The following MARCHF1 variants were observed in gnomAD, a reference collection of about 807,000 sequenced individuals.
MARCHF1 encodes the protein E3 ubiquitin-protein ligase MARCHF1.
A neutral mutation model predicts 54.2 loss-of-function variants in MARCHF1; 40 were observed. The observed-to-expected ratio is 0.74, with a 90% CI of 0.57 to 0.96. The LOEUF (loss-of-function observed/expected upper bound fraction) is 0.96. MARCHF1 is among the 40% of genes least tolerant of loss of function. The pLI is 0.00. For missense variants in MARCHF1, 586 were observed against 656.5 expected, an observed-to-expected ratio of 0.89 and a Z score of 1.17; for synonymous variants, 236 against 236.3, an observed-to-expected ratio of 1.00 and a Z score of 0.01.
intron 2 of MARCHF1, among the ~76,000 whole-genome samples, chr4:164,074,797 T>C (rs1754942142): frequency 6.6e-6 from 1 of 151,844 alleles, no homozygotes. Flanking sequence ...TTAGGTAAAA[T>C]TGAGGTTTTC....
chr4:163,600,566 T>C (rs1740930948), intron 7 of MARCHF1, among the ~76,000 whole-genome samples: 1 of 152,194 alleles, frequency 6.6e-6, no homozygotes, highest in Non-Finnish European at 1.5e-5. Context: ...TGACAGTCTA[T>C]ATGGCTTCTA....
At chr4:164,309,176 C>T (rs535739815) in intron 1 of MARCHF1, among the ~76,000 whole-genome samples, 2 of 150,844 alleles carry the variant, frequency 1.3e-5, no homozygotes, top group African/African-American at 2.4e-5. Flanking sequence ...TCTATTTTAC[C>T]ATTTGTGTAC....
chr4:164,073,322 A>G (rs1754908894), intron 2 of MARCHF1, among the ~76,000 whole-genome samples: 1 of 152,212 alleles, frequency 6.6e-6, no homozygotes, highest in Admixed American at 6.5e-5. Flanking sequence ...AGCCATAAAA[A>G]AGAATGATTT....
intron 1 of MARCHF1, among the ~76,000 whole-genome samples, chr4:164,382,816 G>C (rs1210784587): frequency 1.3e-5 from 2 of 152,206 alleles, no homozygotes; most frequent in East Asian, 3.9e-4. Context: ...CTAAACTAAG[G>C]TACCTGAGCA....
Position 164,247,948 on chromosome 4 carries a change from T to G in MARCHF1, c.-323+135922A>C, listed in dbSNP as rs916707701. ...CTTAAGAGCTTGGGAATGTGAGATG[T>G]TTTTACAGCCACATTGGAAAATACA... is the stretch of plus-strand genomic sequence containing the variant. On this transcript the variant is annotated intron_variant, in intron 1 of 9. Coordinates refer to ENST00000514618, the MANE Select transcript of MARCHF1 (RefSeq NM_001394959.1). 4.6e-5 allele frequency among the ~76,000 whole-genome samples: 7 copies of G among 151,392 alleles called. 1 individual carries two copies. The South Asian group carries it at 6.3e-4, about 14-fold the overall frequency.
rs201005309 is a variant in MARCHF1, at chr4:164,099,241, T to C, written c.-248+12347A>G. Among the ~76,000 whole-genome samples the C allele has an allele frequency of 3.9e-5, 6 of 152,314 alleles. No homozygotes were observed. In the East Asian group the frequency reaches 7.7e-4, roughly 20 times the overall value. On this transcript the variant is annotated intron_variant, in intron 2 of 9. Transcript: ENST00000514618. ...GGAAAAGTCAGAATATTTCAGCAGA[T>C]TGATATTTATGTACAATCGTGCTAC...
At position 163,526,223 on chromosome 4, in the gene MARCHF1, A is replaced by AAAG. The variant is rs1738099806; in HGVS notation, c.*2522_*2524dup. The AAAG allele has an allele frequency of 6.6e-6, 1 of 152,100 alleles. No individual in the cohort carries two copies. The highest frequency in any genetic ancestry group is 2.4e-5 in the African/African-American group (1 of 41,446). 9.4% of individuals were successfully genotyped at this position (152,100 alleles called of 1,614,324 possible). On this transcript the variant is annotated 3_prime_UTR_variant, in exon 10 of 10. Transcript: ENST00000514618. ...TTCTAGAAATGTTTTCTTAGTGTTAAAAGTGTAGCCCTTAATAAATGAGGC... is the reference window on the plus strand; with the variant it reads ...TTCTAGAAATGTTTTCTTAGTGTTAAAAGAAGTGTAGCCCTTAATAAATGAGGC...
At chr4:163,854,629 C>T (rs760354231) in intron 3 of MARCHF1, among the ~76,000 whole-genome samples, 1 of 152,174 alleles carries the variant, frequency 6.6e-6, no homozygotes, top group Non-Finnish European at 1.5e-5. Flanking sequence ...ACAAATATTA[C>T]TCATTCTGGC....
At chr4:164,132,562 C>A (rs1381549361) in intron 1 of MARCHF1, among the ~76,000 whole-genome samples, 2 of 152,118 alleles carry the variant, frequency 1.3e-5, no homozygotes, top group Non-Finnish European at 2.9e-5. Flanking sequence ...AAGATGGCGA[C>A]TGCAAGTTCT....
At chr4:163,578,757 T>G (rs189740092) in intron 8 of MARCHF1, among the ~76,000 whole-genome samples, 2 of 152,272 alleles carry the variant, frequency 1.3e-5, no homozygotes, top group East Asian at 3.9e-4. Flanking sequence ...TACAGAAAAT[T>G]CTTTCATCTT....
At chr4:163,594,295 G>C (rs1740688143) in intron 7 of MARCHF1, among the ~76,000 whole-genome samples, 1 of 151,946 alleles carries the variant, frequency 6.6e-6, no homozygotes, top group African/African-American at 2.4e-5. Context: ...ATGTGGCCAA[G>C]TATGAAAAGA....
At chr4:163,636,975 C>G (rs1020048898) in intron 5 of MARCHF1, among the ~76,000 whole-genome samples, 25 of 152,142 alleles carry the variant, frequency 1.6e-4, no homozygotes, top group Admixed American at 2.6e-4. Context: ...TGACAAACCT[C>G]AGAAAAACAA....
At chr4:164,244,742 T>C (rs1732885810) in intron 1 of MARCHF1, among the ~76,000 whole-genome samples, 1 of 151,018 alleles carries the variant, frequency 6.6e-6, no homozygotes, top group Admixed American at 6.6e-5. Flanking sequence ...GAGAGAAGAA[T>C]CAAATAGATG....
chr4:164,157,491 A>G (rs889528048), intron 1 of MARCHF1, among the ~76,000 whole-genome samples: 4 of 152,212 alleles, frequency 2.6e-5, no homozygotes, highest in African/African-American at 9.6e-5. Context: ...TAGGGCTACA[A>G]TAACAAAACA....
chr4:164,233,536 T>TA (rs530365226), intron 1 of MARCHF1, among the ~76,000 whole-genome samples: 138 of 152,246 alleles, frequency 9.1e-4, no homozygotes, highest in Non-Finnish European at 1.7e-3. Flanking sequence ...TCTCATGACA[T>TA]ACCATTATCC....
chr4:164,227,275 A>G (rs1378898669), intron 1 of MARCHF1, among the ~76,000 whole-genome samples: 2 of 152,148 alleles, frequency 1.3e-5, no homozygotes, highest in African/African-American at 4.8e-5. Flanking sequence ...CCAGACATTT[A>G]TAAAACCATC....
intron 2 of MARCHF1, among the ~76,000 whole-genome samples, chr4:163,989,798 C>T (rs1321474211): frequency 6.6e-6 from 1 of 152,062 alleles, no homozygotes; most frequent in Non-Finnish European, 1.5e-5. Flanking sequence ...TTGAGATGTA[C>T]ATTGTATATT....
chr4:163,796,446 T>C (rs955237273), intron 4 of MARCHF1, among the ~76,000 whole-genome samples: 7 of 152,112 alleles, frequency 4.6e-5, no homozygotes, highest in Non-Finnish European at 8.8e-5. Flanking sequence ...GCTTTCTCTC[T>C]AGCAATGAAT....
At chr4:164,328,209 C>A (rs928727668) in intron 1 of MARCHF1, among the ~76,000 whole-genome samples, 1 of 152,074 alleles carries the variant, frequency 6.6e-6, no homozygotes, top group Non-Finnish European at 1.5e-5. Context: ...TAAAGAAAAG[C>A]ATTAGTGCAT....
Sources: allele counts gnomAD v4.1 joint callset (sites outside exome capture counted in the v4.1 genomes callset), GRCh38; gene constraint gnomAD v4.1.1; transcripts MANE v1.5; gene names NCBI Gene and HGNC (gene_info 2026-07-23, HGNC 2026-07-21).